The following PCDHA1 variants were observed in gnomAD, a reference collection of about 807,000 sequenced individuals.
PCDHA1 encodes protocadherin alpha-1.
Under a neutral mutation model 61.3 loss-of-function variants are expected in PCDHA1, and 42 were observed. The observed-to-expected ratio is 0.69, with a 90% CI of 0.54 to 0.89. The LOEUF (loss-of-function observed/expected upper bound fraction) is 0.89, where lower values mean the gene tolerates loss of function less well. Among genes scored for constraint, PCDHA1 ranks in the 40% least tolerant of loss-of-function variants. The pLI is 0.00. For synonymous variants in PCDHA1, 610 were observed against 553.8 expected, an observed-to-expected ratio of 1.10 and a Z score of -1.43; for missense variants, 1,256 against 1,235.3, an observed-to-expected ratio of 1.02 and a Z score of -0.25.
At chr5:140,917,598 G>A (rs2078274580) in intron 1 of PCDHA1, among the ~76,000 whole-genome samples, 1 of 152,174 alleles carries the variant, frequency 6.6e-6, no homozygotes, top group Non-Finnish European at 1.5e-5. Flanking sequence ...TGAAAGGAAG[G>A]GGTCCAGTTT....
intron 1 of PCDHA1, among the ~76,000 whole-genome samples, chr5:140,952,513 A>G (rs533436826): frequency 6.6e-6 from 1 of 152,028 alleles, no homozygotes; most frequent in Non-Finnish European, 1.5e-5. Flanking sequence ...CCTCATCTCC[A>G]TCTGAGACCT....
chr5:140,802,469 G>A, intron 1 of PCDHA1: 1 of 1,614,220 alleles, frequency 6.2e-7, no homozygotes, highest in Non-Finnish European at 8.5e-7. Flanking sequence ...ATGAGCTGGT[G>A]GTGACTGCTC....
chr5:140,841,497 T>G, intron 1 of PCDHA1: 6 of 1,613,288 alleles, frequency 3.7e-6, no homozygotes, highest in Non-Finnish European at 5.1e-6. Context: ...CTGGCGGAGC[T>G]GGTGCCGCGC....
chr5:140,809,196 T>C, intron 1 of PCDHA1: 3 of 1,614,016 alleles, frequency 1.9e-6, no homozygotes, highest in South Asian at 2.2e-5. Context: ...GTGTCACTTG[T>C]GGAGAGTGGA....
Position 140,884,432 on chromosome 5 carries a change from C to A in PCDHA1, c.2395-94517C>A, listed in dbSNP as rs782413139. ...CACGTTGCTGCTGTATACTGCGCTG[C>A]GGTGCTCGGCACCGCCCACCGAGGG... On this transcript the variant is annotated intron_variant, in intron 1 of 3. Coordinates refer to ENST00000504120, the MANE Select transcript of PCDHA1 (RefSeq NM_018900.4). The A allele has an allele frequency of 4.3e-6, 7 of 1,613,764 alleles. No individual in the cohort carries two copies. The highest frequency in any genetic ancestry group is 5.1e-6 in the Non-Finnish European group (6 of 1,179,866).
chr5:140,848,904 CAA>C, intron 1 of PCDHA1: 1 of 1,608,060 alleles, frequency 6.2e-7, no homozygotes. Flanking sequence ...CCCAGCGACA[CAA>C]AAGAATCTGT....
At chr5:140,799,194 G>T (rs1762400547) in intron 1 of PCDHA1, among the ~76,000 whole-genome samples, 1 of 151,978 alleles carries the variant, frequency 6.6e-6, no homozygotes, top group African/African-American at 2.4e-5. Flanking sequence ...CTACAAAATG[G>T]CTCAATCTTC....
chr5:140,839,529 A>G (rs1291835739), intron 1 of PCDHA1, among the ~76,000 whole-genome samples: 5 of 151,980 alleles, frequency 3.3e-5, no homozygotes, highest in Admixed American at 2.6e-4. Flanking sequence ...TGCTGGGACT[A>G]TAGGCACACA....
intron 1 of PCDHA1, chr5:140,801,334 G>T (rs1762685080): frequency 6.2e-7 from 1 of 1,613,126 alleles, no homozygotes; most frequent in Non-Finnish European, 8.5e-7. Context: ...ACCTTCGTGG[G>T]CCGCATCGCG....
At chr5:140,821,246 T>C (rs1330711106) in intron 1 of PCDHA1, among the ~76,000 whole-genome samples, 9 of 152,218 alleles carry the variant, frequency 5.9e-5, no homozygotes, top group Non-Finnish European at 1.3e-4. Context: ...GTCAAAACTT[T>C]AACTCTTAAA....
intron 1 of PCDHA1, chr5:140,927,637 G>C (rs1554204838): frequency 6.2e-7 from 1 of 1,614,176 alleles, no homozygotes; most frequent in Non-Finnish European, 8.5e-7. Flanking sequence ...TGCACCCAAT[G>C]GGACTGTGTT....
At chr5:141,003,423 T>G (rs1278383006) in intron 3 of PCDHA1, among the ~76,000 whole-genome samples, 1 of 152,164 alleles carries the variant, frequency 6.6e-6, no homozygotes, top group Non-Finnish European at 1.5e-5. Context: ...GTGATTCTTA[T>G]GCCTCAGCCT....
chr5:140,992,393 A>G (rs2097508684), intron 3 of PCDHA1, among the ~76,000 whole-genome samples: 1 of 152,180 alleles, frequency 6.6e-6, no homozygotes, highest in African/African-American at 2.4e-5. Context: ...TTCTGGACTT[A>G]GAGATATTGT....
At chr5:140,871,475 G>A in intron 1 of PCDHA1, 1 of 1,598,972 alleles carries the variant, frequency 6.3e-7, no homozygotes, top group Non-Finnish European at 8.5e-7. Context: ...CAGGAGCCAG[G>A]GTCAAATCAC....
At chr5:140,807,859 C>T in intron 1 of PCDHA1, 1 of 1,614,158 alleles carries the variant, frequency 6.2e-7, no homozygotes, top group Non-Finnish European at 8.5e-7. Context: ...AGTTGACTGG[C>T]ACCGTTCAGT....
intron 1 of PCDHA1, among the ~76,000 whole-genome samples, chr5:140,890,392 T>C (rs2062624449): frequency 6.6e-6 from 1 of 152,212 alleles, no homozygotes; most frequent in Admixed American, 6.5e-5. Flanking sequence ...TTAGATAATC[T>C]ATAAATTTTA....
chr5:140,956,979 A>C (rs2153711830), intron 1 of PCDHA1, among the ~76,000 whole-genome samples: 1 of 152,346 alleles, frequency 6.6e-6, no homozygotes, highest in South Asian at 2.1e-4. Context: ...AATTTAAGTA[A>C]AATAAATTCA....
At chr5:140,942,619 TAA>T (rs35075175) in intron 1 of PCDHA1, among the ~76,000 whole-genome samples, 10 of 148,966 alleles carry the variant, frequency 6.7e-5, no homozygotes, top group Middle Eastern at 3.4e-3. Context: ...TTGCCAATTG[TAA>T]AAAAAAAAAT....
In PCDHA1 at chr5:140,855,883, A is replaced by G. The variant is rs2043659343; in HGVS notation, c.2394+67199A>G. 3.2e-6 allele frequency: 3 copies of G among 946,140 alleles called. 1 individual carries two copies. Among genetic ancestry groups the G allele is most frequent in the African/African-American group, 3.3e-5 (2 of 60,716 alleles). 58.6% of individuals were successfully genotyped at this position (946,140 alleles called of 1,614,324 possible). On this transcript the variant is annotated intron_variant, in intron 1 of 3. Coordinates refer to ENST00000504120, the MANE Select transcript of PCDHA1 (RefSeq NM_018900.4). The stretch of plus-strand genomic sequence containing the variant: ...GCTGTCGTCCACAAAATAGCTTTTT[A>G]GAACAAAGGCATCAGCCAGTTTCTC...
Sources: allele counts gnomAD v4.1 joint callset (sites outside exome capture counted in the v4.1 genomes callset), GRCh38; gene constraint gnomAD v4.1.1; transcripts MANE v1.5; gene names NCBI Gene and HGNC (gene_info 2026-07-23, HGNC 2026-07-21).